LRP1B: variants seen among roughly 807,000 people sequenced by gnomAD.
LRP1B encodes the protein LDL receptor related protein 1B.
A neutral mutation model predicts 556.6 loss-of-function variants in LRP1B; 217 were observed. The observed-to-expected ratio is 0.39, with a 90% CI of 0.35 to 0.44. The LOEUF (loss-of-function observed/expected upper bound fraction) is 0.44, where lower values mean the gene tolerates loss of function less well. Ranked by LOEUF, LRP1B falls within the 20% of genes least tolerant of loss-of-function variation. The probability of loss-of-function intolerance (pLI) is 1.00; values close to 1 mark genes in which losing one functional copy is unlikely to be tolerated. For missense variants in LRP1B, 5,053 were observed against 5,620.8 expected (o/e 0.90, Z 3.23); for synonymous variants, 2,047 against 1,865.8 (o/e 1.10, Z -2.50).
chr2:141,101,106 G>C (rs75392183), intron 7 of LRP1B, among the ~76,000 whole-genome samples: 2,277 of 152,184 alleles, frequency 0.015, 53 homozygotes, highest in African/African-American at 0.051. Context: ...CACTGACTTG[G>C]AAGATGCCAG....
chr2:140,242,602 G>T (rs943657348), intron 87 of LRP1B, among the ~76,000 whole-genome samples: 1 of 151,134 alleles, frequency 6.6e-6, no homozygotes, highest in Admixed American at 6.6e-5. Flanking sequence ...ATAGTAGCAT[G>T]AATGCTGTAT....
intron 3 of LRP1B, among the ~76,000 whole-genome samples, chr2:141,432,871 TC>T (rs1680613207): frequency 1.3e-5 from 2 of 152,024 alleles, no homozygotes; most frequent in African/African-American, 4.8e-5. Flanking sequence ...GCTCCATTGA[TC>T]TTCTCTCTCT....
chr2:141,318,838 T>C (rs894607419), intron 3 of LRP1B, among the ~76,000 whole-genome samples: 3 of 152,150 alleles, frequency 2.0e-5, no homozygotes, highest in Admixed American at 6.6e-5. Context: ...GCCTACACTT[T>C]TAGACTTTAT....
chr2:141,510,852 C>G (rs1684101451), intron 2 of LRP1B, among the ~76,000 whole-genome samples: 1 of 149,982 alleles, frequency 6.7e-6, no homozygotes, highest in Non-Finnish European at 1.5e-5. Context: ...CCATCTTTCC[C>G]CTTGCAACAT....
At chr2:142,099,394 G>A (rs1211905700) in intron 1 of LRP1B, among the ~76,000 whole-genome samples, 3 of 151,846 alleles carry the variant, frequency 2.0e-5, no homozygotes, top group Admixed American at 6.6e-5. Flanking sequence ...AGTCCTTTAC[G>A]TAACATTGCA....
chr2:141,840,933 A>G (rs780579434), intron 1 of LRP1B, among the ~76,000 whole-genome samples: 333 of 9,602 alleles, frequency 0.035, 3 homozygotes, highest in Non-Finnish European at 0.056. Context: ...GCATCTAGGG[A>G]AAAAAAAAAA....
chr2:141,421,409 G>A (rs186921386), intron 3 of LRP1B, among the ~76,000 whole-genome samples: 8,044 of 150,202 alleles, frequency 0.054, 285 homozygotes, highest in South Asian at 0.13. Context: ...GGCGCCTGTA[G>A]TCCCAGCTAC....
intron 1 of LRP1B, among the ~76,000 whole-genome samples, chr2:141,973,844 T>C (rs905379758): frequency 1.3e-5 from 2 of 151,858 alleles, no homozygotes; most frequent in Admixed American, 1.3e-4. Flanking sequence ...TATACCTAAA[T>C]CTTACCAATA....
chr2:140,274,191 C>T (rs755597640), intron 85 of LRP1B, among the ~76,000 whole-genome samples: 26 of 151,846 alleles, frequency 1.7e-4, no homozygotes, highest in East Asian at 3.9e-4. Flanking sequence ...ATGATATGAC[C>T]GTCTTATTAC....
chr2:141,443,004 G>T lies in LRP1B; in HGVS notation c.343+37392C>A, dbSNP rs117714039. On this transcript the variant is annotated intron_variant, in intron 3 of 90. Transcript: ENST00000389484. ...TTTTAGATCCTTGAGGAATTGACAC[G>T]CTGTCTCTTCCACAATGTTTGAACT... Among the ~76,000 whole-genome samples, 170 of 152,112 alleles carry T rather than the reference G, an allele frequency of 1.1e-3. 6 individuals are homozygous for T. In the East Asian group the frequency reaches 0.031, roughly 28 times the overall value.
chr2:141,876,025 T>A (rs1698746986), intron 1 of LRP1B, among the ~76,000 whole-genome samples: 1 of 152,008 alleles, frequency 6.6e-6, no homozygotes, highest in African/African-American at 2.4e-5. Context: ...CTTTAGTATT[T>A]ATTAAGTTTA....
At chr2:141,537,761 AAG>A (rs1685116404) in intron 2 of LRP1B, among the ~76,000 whole-genome samples, 1 of 152,142 alleles carries the variant, frequency 6.6e-6, no homozygotes, top group Non-Finnish European at 1.5e-5. Context: ...GAATCAAGCT[AAG>A]AGAGAAGAGG....
At chr2:140,596,406 G>T (rs528003348) in intron 43 of LRP1B, among the ~76,000 whole-genome samples, 1 of 152,208 alleles carries the variant, frequency 6.6e-6, no homozygotes, top group East Asian at 1.9e-4. Flanking sequence ...CTTCCCTGTC[G>T]ATTTTACTGA....
At chr2:142,084,459 G>C (rs1298915526) in intron 1 of LRP1B, among the ~76,000 whole-genome samples, 5 of 143,996 alleles carry the variant, frequency 3.5e-5, no homozygotes, top group Admixed American at 7.0e-5. Context: ...AAACTCTCAA[G>C]ATTTCACCTC....
intron 3 of LRP1B, among the ~76,000 whole-genome samples, chr2:141,274,915 A>G (rs1036050837): frequency 6.6e-6 from 1 of 152,218 alleles, no homozygotes; most frequent in Non-Finnish European, 1.5e-5. Context: ...TTTTGGACAT[A>G]TAAGTCAACC....
At chr2:141,204,921 A>T (rs543458869) in intron 6 of LRP1B, among the ~76,000 whole-genome samples, 1 of 152,118 alleles carries the variant, frequency 6.6e-6, no homozygotes, top group South Asian at 2.1e-4. Flanking sequence ...TGGGTGACAG[A>T]GCAAGACTCT....
At chr2:140,471,388 C>T (rs1274320544) in intron 60 of LRP1B, among the ~76,000 whole-genome samples, 1 of 152,188 alleles carries the variant, frequency 6.6e-6, no homozygotes, top group Non-Finnish European at 1.5e-5. Context: ...TTCTGAATAT[C>T]TAAATTAGGA....
At chr2:142,051,373 T>C (rs1209179695) in intron 1 of LRP1B, among the ~76,000 whole-genome samples, 1 of 152,034 alleles carries the variant, frequency 6.6e-6, no homozygotes, top group South Asian at 2.1e-4. Flanking sequence ...GGTATATCCA[T>C]ATACCTTTGT....
intron 31 of LRP1B, among the ~76,000 whole-genome samples, chr2:140,838,522 C>T (rs868255636): frequency 6.6e-6 from 1 of 151,760 alleles, no homozygotes; most frequent in Non-Finnish European, 1.5e-5. Flanking sequence ...TTATTTATTG[C>T]AAATCTTAGT....
Sources: gnomAD v4.1 joint callset for allele counts (sites outside exome capture counted in the v4.1 genomes callset) on GRCh38, gnomAD v4.1.1 for gene constraint, MANE v1.5 for transcripts, NCBI Gene and HGNC (gene_info 2026-07-23, HGNC 2026-07-21) for gene names.